The following SUMF1 variants were observed in gnomAD, a reference collection of about 807,000 sequenced individuals.
SUMF1 encodes sulfatase modifying factor 1.
Under a neutral mutation model 47.6 loss-of-function variants are expected in SUMF1, and 48 were observed. That is an observed-to-expected ratio of 1.01 (90% CI 0.80 to 1.28). The LOEUF is 1.28. Ranked by LOEUF, SUMF1 falls within the 50% of genes most tolerant of loss-of-function variation. SUMF1 has a pLI of 0.00. For missense variants in SUMF1, 571 were observed against 485.4 expected, an observed-to-expected ratio of 1.18 and a Z score of -1.66; for synonymous variants, 230 against 192.1, an observed-to-expected ratio of 1.20 and a Z score of -1.63.
intron 8 of SUMF1, among the ~76,000 whole-genome samples, chr3:4,216,394 G>A (rs186602994): frequency 3.3e-5 from 5 of 152,132 alleles, no homozygotes; most frequent in Non-Finnish European, 7.3e-5. Context: ...ATTAACTCAA[G>A]ATGTATTACA....
chr3:4,163,055 A>C (rs1479106999), intron 8 of SUMF1, among the ~76,000 whole-genome samples: 2 of 151,998 alleles, frequency 1.3e-5, no homozygotes, highest in African/African-American at 4.8e-5. Flanking sequence ...AAAAATGCCC[A>C]GTATGGATCA....
chr3:4,277,206 G>T (rs193013560), intron 8 of SUMF1, among the ~76,000 whole-genome samples: 25 of 152,054 alleles, frequency 1.6e-4, no homozygotes, highest in African/African-American at 5.5e-4. Flanking sequence ...GGCAGGTCTA[G>T]GAACCATTGA....
At chr3:4,388,428 T>C (rs1700742385) in intron 7 of SUMF1, among the ~76,000 whole-genome samples, 1 of 152,100 alleles carries the variant, frequency 6.6e-6, no homozygotes, top group African/African-American at 2.4e-5. Flanking sequence ...TTTCCCATCA[T>C]TTTGTTGTCA....
downstream of SUMF1, among the ~76,000 whole-genome samples, chr3:4,359,905 G>C (rs1274417607): frequency 1.3e-5 from 2 of 152,134 alleles, no homozygotes; most frequent in African/African-American, 4.8e-5. Context: ...ACTTCCCAAA[G>C]TGCTGGGATT....
At position 4,166,452 on chromosome 3, in the gene SUMF1, T is replaced by A. The variant is rs547056089; in HGVS notation, c.1015-97707A>T. On this transcript the variant is annotated intron_variant and NMD_transcript_variant, in intron 8 of 12. Transcript: ENST00000448413. ...GAAGGGATCCTAAAATTCCAGATAG[T>A]CCCCAGCAACAGGGCCTTGGGCAAA... Among the ~76,000 whole-genome samples, 181 of 152,222 alleles carry A rather than the reference T, an allele frequency of 1.2e-3. 1 individual carries two copies. Among genetic ancestry groups the A allele is most frequent in the African/African-American group, 3.8e-3 (157 of 41,530 alleles).
chr3:4,209,606 CA>C (rs1249137061), intron 8 of SUMF1, among the ~76,000 whole-genome samples: 1 of 151,324 alleles, frequency 6.6e-6, no homozygotes, highest in African/African-American at 2.4e-5. Context: ...TCTTAGAGAT[CA>C]AGAAGAAAAA....
At chr3:4,179,915 T>C (rs1297387521) in intron 8 of SUMF1, among the ~76,000 whole-genome samples, 1 of 152,138 alleles carries the variant, frequency 6.6e-6, no homozygotes, top group Non-Finnish European at 1.5e-5. Flanking sequence ...AAAGAAGACA[T>C]CTATGCAGCC....
At chr3:4,114,766 T>C (rs536705010) in intron 8 of SUMF1, among the ~76,000 whole-genome samples, 1 of 152,262 alleles carries the variant, frequency 6.6e-6, no homozygotes, top group East Asian at 1.9e-4. Context: ...ACATAATTTG[T>C]CCATGTGCAT....
intron 8 of SUMF1, among the ~76,000 whole-genome samples, chr3:4,314,716 A>C (rs1698567118): frequency 1.3e-5 from 2 of 152,172 alleles, no homozygotes; most frequent in Non-Finnish European, 2.9e-5. Context: ...ATCCCGTTTA[A>C]ACTTCTAGAG....
chr3:4,186,258 G>A (rs1225622346), intron 8 of SUMF1, among the ~76,000 whole-genome samples: 1 of 152,140 alleles, frequency 6.6e-6, no homozygotes, highest in East Asian at 1.9e-4. Context: ...ATCAGAACCT[G>A]AAGGCCAACA....
intron 8 of SUMF1, among the ~76,000 whole-genome samples, chr3:4,291,683 G>C (rs1436996296): frequency 6.6e-6 from 1 of 152,030 alleles, no homozygotes; most frequent in Non-Finnish European, 1.5e-5. Context: ...AGACCTTTGG[G>C]GAAAGACGAA....
At chr3:4,067,703 A>G (rs904391044) in intron 9 of SUMF1, among the ~76,000 whole-genome samples, 3 of 152,158 alleles carry the variant, frequency 2.0e-5, no homozygotes, top group African/African-American at 7.2e-5. Context: ...GTGCTCAATC[A>G]AAGAAATCCA....
At chr3:4,060,606 A>G (rs1010901624) in intron 9 of SUMF1, among the ~76,000 whole-genome samples, 1 of 152,196 alleles carries the variant, frequency 6.6e-6, no homozygotes, top group African/African-American at 2.4e-5. Flanking sequence ...AGCAAGATGT[A>G]TGATTATTAA....
chr3:4,185,511 T>G (rs1301756008), intron 8 of SUMF1, among the ~76,000 whole-genome samples: 1 of 152,198 alleles, frequency 6.6e-6, no homozygotes, highest in East Asian at 1.9e-4. Flanking sequence ...GAGTCTACAA[T>G]GTTCTAAGCC....
intron 8 of SUMF1, among the ~76,000 whole-genome samples, chr3:4,297,942 T>C (rs1296989752): frequency 2.6e-5 from 4 of 152,194 alleles, no homozygotes; most frequent in Non-Finnish European, 5.9e-5. Flanking sequence ...AGACCACTTT[T>C]GTTAATAAAT....
At chr3:4,152,651 T>A (rs1236343553) in intron 8 of SUMF1, among the ~76,000 whole-genome samples, 1 of 151,266 alleles carries the variant, frequency 6.6e-6, no homozygotes, top group Non-Finnish European at 1.5e-5. Context: ...ACTTATCTCA[T>A]ACATGAGCTT....
chr3:4,405,519 TG>T, intron 7 of SUMF1, among the ~76,000 whole-genome samples: 1 of 152,338 alleles, frequency 6.6e-6, no homozygotes, highest in East Asian at 1.9e-4. Context: ...GCCGGGTAGC[TG>T]GGACTACAGG....
At chr3:4,162,443 C>G (rs1026996628) in intron 8 of SUMF1, among the ~76,000 whole-genome samples, 1 of 152,136 alleles carries the variant, frequency 6.6e-6, no homozygotes, top group Admixed American at 6.5e-5. Context: ...GAACCCAGAG[C>G]CCTTTACCCA....
intron 8 of SUMF1, among the ~76,000 whole-genome samples, chr3:4,304,478 C>T (rs1464672549): frequency 6.6e-6 from 1 of 152,152 alleles, no homozygotes; most frequent in Non-Finnish European, 1.5e-5. Context: ...TTGGCCTGAG[C>T]GTTACCCAAG....
Sources: gnomAD v4.1 joint callset for allele counts (sites outside exome capture counted in the v4.1 genomes callset) on GRCh38, gnomAD v4.1.1 for gene constraint, MANE v1.5 for transcripts, NCBI Gene and HGNC (gene_info 2026-07-23, HGNC 2026-07-21) for gene names.